NHSL1: variants seen among roughly 807,000 people sequenced by gnomAD.
NHSL1 encodes NHS like 1, also known as NHS-like protein 1.
A neutral mutation model predicts 95.0 loss-of-function variants in NHSL1; 48 were observed. The ratio of observed to expected loss-of-function variants is 0.51; its 90% CI spans 0.40 to 0.64. The LOEUF is 0.64. Among genes scored for constraint, NHSL1 ranks in the 30% least tolerant of loss-of-function variants. The pLI, the probability that NHSL1 is intolerant of heterozygous loss-of-function variation, is 0.00. For missense variants in NHSL1, 1,971 were observed against 2,077.7 expected, an observed-to-expected ratio of 0.95 and a Z score of 1.00; for synonymous variants, 783 against 833.9, an observed-to-expected ratio of 0.94 and a Z score of 1.05.
intron 2 of NHSL1, among the ~76,000 whole-genome samples, chr6:138,477,416 A>G (rs1012665083): frequency 1.3e-5 from 2 of 152,212 alleles, no homozygotes; most frequent in Non-Finnish European, 2.9e-5. Flanking sequence ...CCTGAACAAC[A>G]TAATGAGACC....
chr6:138,432,495 T>A lies in NHSL1; in HGVS notation c.1850A>T (p.His617Leu). ...YCASVHTDSG[H>L]GSGNLCNSSD... ...GCTATTGCACAGATTCCCAGATCCA[T>A]GTCCAGAGTCAGTGTGCACAGATGC... The change falls in exon 6 of 8, where the codon CAT (histidine) becomes CTT (leucine). Residue 617 changes from histidine to leucine, a missense_variant. This residue lies in a region of NHSL1 where 1,602 missense variants were observed against 1,654.5 expected (regional missense o/e 0.97). Coordinates refer to ENST00000343505, the MANE Select transcript of NHSL1 (RefSeq NM_001144060.2). The surrounding 1 kb of genome is among the most constrained non-coding windows in gnomAD (Gnocchi z 4.4). 6.4e-7 allele frequency: 1 copy of A among 1,552,260 alleles called. No individual in the cohort carries two copies. Among genetic ancestry groups the A allele is most frequent in the Non-Finnish European group, 8.7e-7 (1 of 1,147,030 alleles).
intron 1 of NHSL1, among the ~76,000 whole-genome samples, chr6:138,688,711 T>C (rs1785620709): frequency 1.3e-5 from 2 of 152,060 alleles, no homozygotes; most frequent in Admixed American, 1.3e-4. Context: ...GATTTCTGCT[T>C]AGCAAAGTCT....
At position 138,496,253 on chromosome 6, in the gene NHSL1, G is replaced by A. The variant is rs895029634; in HGVS notation, c.177C>T (p.Arg59=). Residue 59 remains arginine, a synonymous_variant, in exon 2 of 8, where the codon CGC becomes CGT. Transcript: ENST00000343505. The stretch of plus-strand genomic sequence containing the variant: ...CTGATTTGAGGTTGAGCTTGGCTTG[G>A]CGGTGCAGGTCCTCAACACAGGGGG... The part of the protein sequence containing the change: ...TRPPCVEDLH[R]QAKLNLKSVL... The A allele has an allele frequency of 1.3e-6, 2 of 1,550,806 alleles. No individual in the cohort carries two copies. Among genetic ancestry groups the A allele is most frequent in the African/African-American group, 2.7e-5 (2 of 72,990 alleles).
chr6:138,437,375 C>CATATATACACAT lies in NHSL1; in HGVS notation c.665-3696_665-3695insATGTGTATATAT, dbSNP rs1554222055. Among the ~76,000 whole-genome samples, 103 of 36,194 alleles carry CATATATACACAT rather than the reference C, an allele frequency of 2.8e-3. 6 individuals are homozygous for CATATATACACAT. Among genetic ancestry groups the CATATATACACAT allele is most frequent in the Non-Finnish European group, 3.4e-3 (66 of 19,576 alleles). The allele number at this position is 36,194 out of a possible 152,430, so 23.7% of individuals were successfully genotyped here. Reference sequence around the variant, plus strand: ...ATATATACACATATATATATATACACATATATATATACACATATATATATA... The same window carrying CATATATACACAT: ...ATATATACACATATATATATATACACATATATACACATATATATATATACACATATATATATA... On this transcript the variant is annotated intron_variant, in intron 5 of 7. Coordinates refer to ENST00000343505, the MANE Select transcript of NHSL1 (RefSeq NM_001144060.2).
chr6:138,594,927 G>A (rs1784281652), intron 1 of NHSL1, among the ~76,000 whole-genome samples: 1 of 152,184 alleles, frequency 6.6e-6, no homozygotes, highest in Admixed American at 6.5e-5. Flanking sequence ...CTGGCTGCTG[G>A]TTCACACGTG....
intron 1 of NHSL1, among the ~76,000 whole-genome samples, chr6:138,497,279 T>C (rs1484764387): frequency 6.6e-6 from 1 of 152,220 alleles, no homozygotes; most frequent in East Asian, 1.9e-4. Context: ...GTTTTAATAC[T>C]TTCTATATAC....
intron 1 of NHSL1, among the ~76,000 whole-genome samples, chr6:138,582,161 T>G (rs1175502754): frequency 6.6e-6 from 1 of 152,096 alleles, no homozygotes; most frequent in Non-Finnish European, 1.5e-5. Context: ...CCTCCCAAAG[T>G]GCTGGGATTA....
chr6:138,545,988 C>T (rs372409928), upstream of NHSL1, among the ~76,000 whole-genome samples: 37 of 152,332 alleles, frequency 2.4e-4, no homozygotes, highest in East Asian at 6.8e-3. Flanking sequence ...TCCACCACAG[C>T]GGATGCAGCT....
intron 1 of NHSL1, among the ~76,000 whole-genome samples, chr6:138,544,680 A>G (rs1041105094): frequency 3.3e-5 from 5 of 152,190 alleles, no homozygotes; most frequent in Admixed American, 2.0e-4. Flanking sequence ...ATTTCCCATC[A>G]ACAGAATGAC....
exon 1 of NHSL1, chr6:138,572,136 A>G: frequency 2.1e-6 from 1 of 478,412 alleles, no homozygotes. Context: ...CCCTAGCCAC[A>G]TTGTGGACTC....
At position 138,424,562 on chromosome 6, in the gene NHSL1, G is replaced by C. The variant is rs1355891767; in HGVS notation, c.4340C>G (p.Pro1447Arg). 2 of 1,551,564 alleles carry C rather than the reference G, an allele frequency of 1.3e-6. No homozygotes were observed. The highest frequency in any genetic ancestry group is 2.7e-5 in the African/African-American group (2 of 73,036). Residue 1447 changes from proline (P) to arginine (R), a missense_variant, in exon 8 of 8, where the codon CCT (proline) becomes CGT (arginine). Physicochemically the swap from Pro to Arg is moderately radical, Grantham distance 103. This residue lies in a region of NHSL1 where 146 missense variants were observed against 206.3 expected (regional missense o/e 0.71). Transcript: ENST00000343505. This position sits in a 1 kb window ranked among gnomAD's most constrained non-coding sequence, Gnocchi z 5.9. ...SAAEMLKNTD[P>R]RFQRSRSEPS... ...CTCTGACCTCGACCTCTGGAATCTAGGGTCTGTGTTCTTGAGCATCTCTGC... is the reference window on the plus strand; with the variant it reads ...CTCTGACCTCGACCTCTGGAATCTACGGTCTGTGTTCTTGAGCATCTCTGC...
At chr6:138,486,555 T>G (rs2128271974) in intron 2 of NHSL1, among the ~76,000 whole-genome samples, 1 of 152,230 alleles carries the variant, frequency 6.6e-6, no homozygotes, top group Middle Eastern at 3.4e-3. Flanking sequence ...TCCCTCCCAG[T>G]GCCCTAAAGT....
At chr6:138,498,371 C>T (rs929552742) in intron 1 of NHSL1, among the ~76,000 whole-genome samples, 3 of 152,186 alleles carry the variant, frequency 2.0e-5, no homozygotes, top group African/African-American at 7.2e-5. Context: ...GTTCCTCACT[C>T]TCGCCAGGGC....
chr6:138,554,468 G>A (rs902994564), intron 1 of NHSL1, among the ~76,000 whole-genome samples: 2 of 152,122 alleles, frequency 1.3e-5, no homozygotes, highest in Non-Finnish European at 1.5e-5. Context: ...AATCAACCAG[G>A]CGGACCACAG....
At chr6:138,580,205 G>C (rs1246715997) in intron 1 of NHSL1, among the ~76,000 whole-genome samples, 1 of 152,204 alleles carries the variant, frequency 6.6e-6, no homozygotes, top group Non-Finnish European at 1.5e-5. Context: ...ACAGGGATCA[G>C]TTCAAATATT....
chr6:138,674,073 A>C (rs1175833118), intron 1 of NHSL1, among the ~76,000 whole-genome samples: 3 of 152,262 alleles, frequency 2.0e-5, no homozygotes, highest in Non-Finnish European at 2.9e-5. Flanking sequence ...TATGGTATTC[A>C]AAGCAAGGAT....
In NHSL1 at chr6:138,430,841, G is replaced by A. The variant is rs1429698985; in HGVS notation, c.3504C>T (p.Ser1168=). ...GPVSRSPGAP[S]AGEAEARPSP... Reference sequence around the variant, plus strand: ...TGGGCCGAGCCTCTGCCTCCCCAGCGCTTGGAGCTCCAGGGCTGCGGCTCA... The same window carrying A: ...TGGGCCGAGCCTCTGCCTCCCCAGCACTTGGAGCTCCAGGGCTGCGGCTCA... Residue 1168 remains serine, a synonymous_variant, in exon 6 of 8, where the codon AGC becomes AGT. Coordinates refer to ENST00000343505, the MANE Select transcript of NHSL1 (RefSeq NM_001144060.2). The surrounding 1 kb of genome is among the most constrained non-coding windows in gnomAD (Gnocchi z 4.7). 5.8e-6 allele frequency: 9 copies of A among 1,550,894 alleles called. No individual in the cohort carries two copies. Among genetic ancestry groups the A allele is most frequent in the Non-Finnish European group, 6.1e-6 (7 of 1,146,788 alleles).
rs976815906 is a variant in NHSL1, at chr6:138,430,734, A to G, written c.3611T>C (p.Val1204Ala). The change falls in exon 6 of 8, where the codon GTG becomes GCG. Residue 1204 changes from valine (V) to alanine (A), a missense_variant. Transcript: ENST00000343505. This position sits in a 1 kb window ranked among gnomAD's most constrained non-coding sequence, Gnocchi z 4.7. ...AAAATCTTTCTGCGGAGGTGGTACC[A>G]CCAGGAACAGTTTGGGCTTCTTGGA... ...PISKKPKLFL[V>A]VPPPQKDFAV... 5.2e-6 allele frequency: 8 copies of G among 1,551,678 alleles called. No individual in the cohort carries two copies. The highest frequency in any genetic ancestry group is 3.9e-5 in the Admixed American group (2 of 50,988).
intron 1 of NHSL1, among the ~76,000 whole-genome samples, chr6:138,605,842 T>C (rs1188507633): frequency 2.6e-5 from 4 of 152,214 alleles, no homozygotes; most frequent in Non-Finnish European, 5.9e-5. Flanking sequence ...GTCTCTTGAA[T>C]AGCTATCAAG....
Sources: gnomAD v4.1 joint callset for allele counts (sites outside exome capture counted in the v4.1 genomes callset) on GRCh38, gnomAD v4.1.1 for gene constraint, gnomAD v4.1.1 regional missense constraint, Gnocchi (gnomAD v3.1) non-coding constraint, MANE v1.5 for transcripts, NCBI Gene and HGNC (gene_info 2026-07-23, HGNC 2026-07-21) for gene names.